BAG3: variants seen among roughly 807,000 people sequenced by gnomAD.
BAG3 encodes the protein BAG cochaperone 3, also known as BAG family molecular chaperone regulator 3.
A neutral mutation model predicts 40.5 loss-of-function variants in BAG3; 14 were observed. The observed-to-expected ratio is 0.35, with a 90% CI of 0.23 to 0.54. The LOEUF (loss-of-function observed/expected upper bound fraction) is 0.54, where lower values mean the gene tolerates loss of function less well. Ranked by LOEUF, BAG3 falls within the 20% of genes least tolerant of loss-of-function variation. The pLI is 0.91. For synonymous variants in BAG3, 302 were observed against 307.8 expected (o/e 0.98, Z 0.20); for missense variants, 788 against 758.6 (o/e 1.04, Z -0.46).
intron 1 of BAG3, 73 bp downstream of exon 1, chr10:119,651,928 C>CG (rs1003238782): frequency 8.2e-7 from 1 of 1,226,010 alleles, no homozygotes; most frequent in Non-Finnish European, 1.0e-6. Flanking sequence ...TGGGCTGGGC[C>CG]GGGGGGACGC....
intron 3 of BAG3, among the ~76,000 whole-genome samples, chr10:119,674,362 AG>A (rs1286671720): frequency 6.6e-6 from 1 of 152,220 alleles, no homozygotes; most frequent in Non-Finnish European, 1.5e-5. Context: ...CAATCCTAGG[AG>A]GGTCCCATTT....
chr10:119,666,492 T>TA (rs1235375557), intron 1 of BAG3, among the ~76,000 whole-genome samples: 1 of 152,168 alleles, frequency 6.6e-6, no homozygotes, highest in Non-Finnish European at 1.5e-5. Flanking sequence ...TGTTTTTCCT[T>TA]CCTCCCTCTC....
At chr10:119,669,783 T>C in intron 1 of BAG3, 68 bp from the exon 2 acceptor site, 3 of 1,485,616 alleles carry the variant, frequency 2.0e-6, no homozygotes, top group African/African-American at 1.4e-5. Context: ...CGCCACAGTG[T>C]TTCCTCTGCC....
At chr10:119,665,106 G>C (rs1847042983) in intron 1 of BAG3, among the ~76,000 whole-genome samples, 3 of 74,524 alleles carry the variant, frequency 4.0e-5, no homozygotes, top group Non-Finnish European at 9.1e-5. Flanking sequence ...GTGTGTGTGT[G>C]TGTGTGTGTG....
At position 119,651,619 on chromosome 10, in the gene BAG3, C is replaced by T; in HGVS notation, c.-57C>T. ...CACGGCGGCGGCCCGGCCAGAGACT[C>T]GGCGCCCGGAGCCAGCGCCCCGCAC... On this transcript the variant is annotated 5_prime_UTR_variant, in exon 1 of 4. Transcript: ENST00000369085. 2.1e-6 allele frequency: 3 copies of T among 1,428,306 alleles called. No individual in the cohort carries two copies. Among genetic ancestry groups the T allele is most frequent in the Non-Finnish European group, 2.8e-6 (3 of 1,084,810 alleles). The allele number at this position is 1,428,306 out of a possible 1,614,324, so 88.5% of individuals were successfully genotyped here.
At chr10:119,665,819 AC>A (rs964583662) in intron 1 of BAG3, among the ~76,000 whole-genome samples, 3 of 151,684 alleles carry the variant, frequency 2.0e-5, no homozygotes, top group African/African-American at 7.3e-5. Flanking sequence ...TTTAAACAAA[AC>A]CCCACCAGAG....
chr10:119,675,903 C>CCCTT (rs1219610839), intron 3 of BAG3, among the ~76,000 whole-genome samples: 2 of 7,678 alleles, frequency 2.6e-4, no homozygotes, highest in African/African-American at 8.8e-4. Context: ...CTTCCTTCCC[C>CCCTT]CCTTCCTTCC....
Position 119,672,638 on chromosome 10 carries a change from C to T in BAG3, c.891C>T (p.Thr297=), listed in dbSNP as rs372571986. The T allele has an allele frequency of 6.4e-5, 103 of 1,613,640 alleles. No homozygotes were observed. The highest frequency in any genetic ancestry group is 1.6e-4 in the Middle Eastern group (1 of 6,084). ...LHSPSPIRVH[T]VVDRPQQPMT... ...CCCCCTCGCCCATCCGTGTGCACAC[C>T]GTGGTCGACAGGCCTCAGGTACGGG... The change falls in exon 3 of 4, where the codon ACC becomes ACT. Residue 297 remains threonine (T), a synonymous_variant. Transcript: ENST00000369085. This position sits in a 1 kb window ranked among gnomAD's most constrained non-coding sequence, Gnocchi z 4.8.
intron 3 of BAG3, among the ~76,000 whole-genome samples, chr10:119,674,508 T>C (rs1847192558): frequency 6.6e-6 from 1 of 152,238 alleles, no homozygotes; most frequent in African/African-American, 2.4e-5. Context: ...AGTTCCCTTT[T>C]GGGAGGCTTT....
Position 119,677,798 on chromosome 10 carries a change from A to G in BAG3, c.*516A>G, listed in dbSNP as rs1030487734. ...ATGCTACATTTTAAAAAAAGAAAAT[A>G]AAGTAATAATATAACTCAAAATGGT... On this transcript the variant is annotated 3_prime_UTR_variant, in exon 4 of 4. Coordinates refer to ENST00000369085, the MANE Select transcript of BAG3 (RefSeq NM_004281.4). 3.1e-5 allele frequency: 5 copies of G among 162,278 alleles called. No individual in the cohort carries two copies. Among genetic ancestry groups the G allele is most frequent in the African/African-American group, 1.2e-4 (5 of 41,558 alleles). The allele number at this position is 162,278 out of a possible 1,614,324, so 10.1% of individuals were successfully genotyped here.
At chr10:119,652,390 C>T (rs1846855501) in intron 1 of BAG3, among the ~76,000 whole-genome samples, 2 of 152,246 alleles carry the variant, frequency 1.3e-5, no homozygotes, top group South Asian at 4.1e-4. Flanking sequence ...ATCTTGGCTA[C>T]TGTCCCATGT....
At position 119,669,326 on chromosome 10, in the gene BAG3, G is replaced by A. The variant is rs1414307340; in HGVS notation, c.181-525G>A. ...CAAATTGTTCTAACAATACTCCTGA[G>A]GAGGCAGCCCTCGCTCCCCAGCCCA... On this transcript the variant is annotated intron_variant, in intron 1 of 3. Transcript: ENST00000369085. Among the ~76,000 whole-genome samples the A allele has an allele frequency of 2.0e-5, 3 of 152,168 alleles. No homozygotes were observed. In the South Asian group the frequency reaches 6.2e-4, roughly 32 times the overall value.
Position 119,677,628 on chromosome 10 carries a change from C to A in BAG3, c.*346C>A. ...GGAGGGGTAGATGGGGAGTCAATTA[C>A]CCATCACATAAATATGAAACATTTA... On this transcript the variant is annotated 3_prime_UTR_variant, in exon 4 of 4. Coordinates refer to ENST00000369085, the MANE Select transcript of BAG3 (RefSeq NM_004281.4). The A allele has an allele frequency of 2.9e-6, 1 of 344,708 alleles. No individual in the cohort carries two copies. The highest frequency in any genetic ancestry group is 3.9e-5 in the South Asian group (1 of 25,864). The allele number at this position is 344,708 out of a possible 1,614,324, so 21.4% of individuals were successfully genotyped here.
At chr10:119,674,994 CAA>C (rs35060630) in intron 3 of BAG3, among the ~76,000 whole-genome samples, 105,522 of 151,248 alleles carry the variant, frequency 0.7, 37,011 homozygotes, top group Middle Eastern at 0.75. Context: ...AAAACAAAAA[CAA>C]AAAGCGTCAA....
chr10:119,665,092 T>TCTGTGTGTGTGTG (rs34372634), intron 1 of BAG3, among the ~76,000 whole-genome samples: 2 of 87,970 alleles, frequency 2.3e-5, no homozygotes, highest in Non-Finnish European at 4.5e-5. Context: ...TAATTTTTGT[T>TCTGTGTGTGTGTG]TGTGTGTGTG....
intron 1 of BAG3, among the ~76,000 whole-genome samples, chr10:119,657,869 AT>A (rs970246925): frequency 6.6e-5 from 10 of 152,168 alleles, no homozygotes; most frequent in African/African-American, 2.4e-4. Flanking sequence ...TCTCTTAAAA[AT>A]TTTTTTTCGT....
chr10:119,657,452 C>G (rs955409549), intron 1 of BAG3: 1 of 451,710 alleles, frequency 2.2e-6, no homozygotes, highest in African/African-American at 2.0e-5. Flanking sequence ...CCTCTTGATG[C>G]CTGGCAGGGT....
chr10:119,653,289 T>C (rs1351576986), intron 1 of BAG3, among the ~76,000 whole-genome samples: 1 of 152,210 alleles, frequency 6.6e-6, no homozygotes, highest in Non-Finnish European at 1.5e-5. Context: ...GTTCCACCCA[T>C]TTTTGGGTGA....
At chr10:119,676,413 C>G in intron 3 of BAG3, 51 bp from the exon 4 acceptor site, 16 of 1,588,812 alleles carry the variant, frequency 1.0e-5, no homozygotes, top group Non-Finnish European at 1.3e-5. Flanking sequence ...CAAACAATTT[C>G]TGTGACTTTC....
Sources: allele counts gnomAD v4.1 joint callset (sites outside exome capture counted in the v4.1 genomes callset), GRCh38; gene constraint gnomAD v4.1.1; non-coding constraint Gnocchi (gnomAD v3.1); transcripts MANE v1.5; gene names NCBI Gene and HGNC (gene_info 2026-07-23, HGNC 2026-07-21).